Variants in HPRT1 observed in about 807,000 individuals in gnomAD.
The protein encoded by HPRT1 is hypoxanthine-guanine phosphoribosyltransferase.
In HPRT1, 4 loss-of-function variants were observed where a neutral mutation model predicts 19.0. The observed-to-expected ratio is 0.21, with a 90% confidence interval of 0.10 to 0.48. The LOEUF (loss-of-function observed/expected upper bound fraction) is 0.48, where lower values mean the gene tolerates loss of function less well. Among genes scored for constraint, HPRT1 ranks in the 20% least tolerant of loss-of-function variants. The pLI is 0.98. For synonymous variants in HPRT1, 53 were observed against 54.9 expected, an observed-to-expected ratio of 0.97 and a Z score of 0.15; for missense variants, 65 against 164.0, an observed-to-expected ratio of 0.40 and a Z score of 3.30.
intron 6 of HPRT1, 86 bp from the exon 7 acceptor site, chrX:134,498,304 A>G: frequency 1.3e-6 from 1 of 751,947 alleles, no homozygotes; most frequent in Non-Finnish European, 2.1e-6. Context: ...GGATGAAATG[A>G]AACAGTGTTT....
chrX:134,487,702 T>A (rs1395441063), intron 4 of HPRT1, among the ~76,000 whole-genome samples: 1 of 112,266 alleles, frequency 8.9e-6, no homozygotes, highest in Non-Finnish European at 1.9e-5. Flanking sequence ...TGTGAAATTA[T>A]CTTGTCCCAT....
rs370020558 is a variant in HPRT1 at position 134,465,078 on chromosome X, G to A, written c.27+4740G>A. 2.1e-4 allele frequency among the ~76,000 whole-genome samples: 23 copies of A among 109,683 alleles called. 1 individual carries two copies. In the East Asian group the frequency reaches 3.5e-3, roughly 16 times the overall value. ...TGGAATTACAGGCGCCCGCCACCAC[G>A]CCCAGCTAATTTTTGTGTTTTTAGT... On this transcript the variant is annotated intron_variant, in intron 1 of 8. Transcript: ENST00000298556.
At chrX:134,480,551 C>G (rs1436223966) in intron 3 of HPRT1, among the ~76,000 whole-genome samples, 6 of 105,559 alleles carry the variant, frequency 5.7e-5, no homozygotes, top group African/African-American at 2.1e-4. Context: ...CTCAAGGGAT[C>G]CTCTGCCTCA....
At chrX:134,493,807 T>C (rs2077673910) in intron 6 of HPRT1, among the ~76,000 whole-genome samples, 1 of 111,781 alleles carries the variant, frequency 8.9e-6, no homozygotes, top group African/African-American at 3.3e-5. Context: ...TAACATTTGG[T>C]TTTTCAGCAT....
intron 6 of HPRT1, among the ~76,000 whole-genome samples, chrX:134,494,036 C>T (rs758602623): frequency 2.0e-4 from 22 of 112,058 alleles, no homozygotes; most frequent in South Asian, 7.5e-4. Context: ...TCGGCCTCAC[C>T]TCCTCACCTT....
intron 5 of HPRT1, among the ~76,000 whole-genome samples, chrX:134,491,848 C>T (rs1409511741): frequency 9.4e-6 from 1 of 106,727 alleles, no homozygotes; most frequent in Non-Finnish European, 1.9e-5. Context: ...TCTCATGTCT[C>T]AGCCTCCCAA....
intron 3 of HPRT1, among the ~76,000 whole-genome samples, chrX:134,481,640 G>A (rs757974785): frequency 9.0e-6 from 1 of 110,886 alleles, no homozygotes; most frequent in South Asian, 3.8e-4. Context: ...GCAGGAATGG[G>A]GATGTGTATT....
chrX:134,475,047 AT>A (rs1404583296), intron 2 of HPRT1, 133 bp from the exon 3 acceptor site: 48,059 of 318,792 alleles, frequency 0.15, no homozygotes, highest in East Asian at 0.19. Flanking sequence ...TGCCTGGCTA[AT>A]TTTTTTTTTT....
chrX:134,500,026 A>G lies in HPRT1; in HGVS notation c.610-4A>G, dbSNP rs374399255. ...AATGTGAATTTCTGGATTTTTTTTTATAGCATGTTTGTGTCATTAGTGAAA... is the reference window on the plus strand; with the variant it reads ...AATGTGAATTTCTGGATTTTTTTTTGTAGCATGTTTGTGTCATTAGTGAAA... On this transcript the variant is annotated splice_region_variant and splice_polypyrimidine_tract_variant and intron_variant, in intron 8 of 8. Coordinates refer to ENST00000298556, the MANE Select transcript of HPRT1 (RefSeq NM_000194.3). The G allele has an allele frequency of 8.8e-7, 1 of 1,134,680 alleles. No homozygotes were observed. The highest frequency in any genetic ancestry group is 1.2e-6 in the Non-Finnish European group (1 of 826,381). 93.5% of individuals were successfully genotyped at this position (1,134,680 alleles called of 1,213,427 possible). A position where few individuals can be genotyped will look rare whatever the true frequency, so the allele number is the denominator to read the frequency against.
At chrX:134,470,963 A>G (rs935356040) in intron 1 of HPRT1, among the ~76,000 whole-genome samples, 71 of 109,287 alleles carry the variant, frequency 6.5e-4, no homozygotes, top group Non-Finnish European at 1.1e-3. Flanking sequence ...GAAAGTGTCA[A>G]GACCCCACTT....
rs1340883230 is a variant in HPRT1, at chrX:134,460,189, C to G, written c.-123C>G. 2.6e-6 allele frequency: 2 copies of G among 761,748 alleles called. No homozygotes were observed. The highest frequency in any genetic ancestry group is 4.5e-5 in the African/African-American group (2 of 44,790). 62.8% of individuals were successfully genotyped at this position (761,748 alleles called of 1,213,427 possible). A position where few individuals can be genotyped will look rare whatever the true frequency, so the allele number is the denominator to read the frequency against. On this transcript the variant is annotated 5_prime_UTR_variant, in exon 1 of 9. Transcript: ENST00000298556. ...CAGCTTCAGGCGGCTGCGACGAGCCCTCAGGCGAACCTCTCGGCTTTCCCG... is the reference window on the plus strand; with the variant it reads ...CAGCTTCAGGCGGCTGCGACGAGCCGTCAGGCGAACCTCTCGGCTTTCCCG...
chrX:134,465,256 C>G (rs755594981), intron 1 of HPRT1, among the ~76,000 whole-genome samples: 1 of 109,052 alleles, frequency 9.2e-6, no homozygotes, highest in African/African-American at 3.4e-5. Context: ...TTAAGCAGTC[C>G]TTGTCACAGA....
intron 1 of HPRT1, among the ~76,000 whole-genome samples, chrX:134,472,620 G>A (rs1156974028): frequency 9.0e-6 from 1 of 111,712 alleles, no homozygotes; most frequent in Admixed American, 9.6e-5. Flanking sequence ...AGGCTGGAGT[G>A]CAATGGTGCC....
At chrX:134,488,065 A>C (rs920005558) in intron 4 of HPRT1, among the ~76,000 whole-genome samples, 5 of 111,562 alleles carry the variant, frequency 4.5e-5, no homozygotes, top group African/African-American at 1.6e-4. Flanking sequence ...AAAATCAATA[A>C]GTATAACGAG....
At chrX:134,460,446 G>T (rs2124280673) in intron 1 of HPRT1, 108 bp downstream of exon 1, 1 of 635,913 alleles carries the variant, frequency 1.6e-6, no homozygotes, top group South Asian at 7.0e-5. Flanking sequence ...GCCGGGCCCA[G>T]GGAACCCCGC....
At chrX:134,488,062 A>G (rs974008830) in intron 4 of HPRT1, among the ~76,000 whole-genome samples, 1 of 111,799 alleles carries the variant, frequency 8.9e-6, no homozygotes. Flanking sequence ...GGAAAAATCA[A>G]TAAGTATAAC....
intron 1 of HPRT1, among the ~76,000 whole-genome samples, chrX:134,460,861 C>T (rs1602734507): frequency 9.0e-6 from 1 of 111,107 alleles, no homozygotes; most frequent in African/African-American, 3.3e-5. Flanking sequence ...TGGAGATGCT[C>T]ATGGCCTCAT....
intron 1 of HPRT1, among the ~76,000 whole-genome samples, chrX:134,469,196 A>AAC (rs1556026158): frequency 9.1e-6 from 1 of 110,378 alleles, no homozygotes; most frequent in Non-Finnish European, 1.9e-5. Flanking sequence ...AATATACCCA[A>AAC]ATATATATAT....
chrX:134,488,137 T>TTATG (rs1464428279), intron 4 of HPRT1, among the ~76,000 whole-genome samples: 25 of 110,919 alleles, frequency 2.3e-4, no homozygotes, highest in Non-Finnish European at 2.3e-4. Flanking sequence ...TCATTGTATT[T>TTATG]TATTTATTTA....
Sources: allele counts gnomAD v4.1 joint callset (sites outside exome capture counted in the v4.1 genomes callset), GRCh38; gene constraint gnomAD v4.1.1; transcripts MANE v1.5; gene names NCBI Gene and HGNC (gene_info 2026-07-23, HGNC 2026-07-21).